Variants in RGS22 observed in about 807,000 individuals in gnomAD.
RGS22 encodes the protein regulator of G protein signaling 22, also known as regulator of G-protein signaling 22.
RGS22 carries 148 observed loss-of-function variants against 172.9 expected under a neutral mutation model. The ratio of observed to expected loss-of-function variants is 0.86; its 90% confidence interval spans 0.75 to 0.98. The LOEUF (loss-of-function observed/expected upper bound fraction) is 0.98. Ranked by LOEUF, RGS22 falls within the 50% of genes least tolerant of loss-of-function variation. The pLI is 0.00. For missense variants in RGS22, 1,347 were observed against 1,440.8 expected (o/e 0.93, Z 1.05); for synonymous variants, 458 against 480.2 (o/e 0.95, Z 0.60).
rs1810300232 is a variant in RGS22 at position 100,063,448 on chromosome 8, T to C, written c.1320A>G (p.Leu440=). The change falls in exon 8 of 28, where the codon TTA becomes TTG. Residue 440 remains leucine (L), a synonymous_variant. Coordinates refer to ENST00000360863, the MANE Select transcript of RGS22 (RefSeq NM_015668.5). ...GTCTTCCAGGATCCTTAAGAACTTT[T>C]AACCTCTCAATATCCATCCATAGCC... The part of the protein sequence containing the change: ...YWWLWMDIER[L]KVLKDPGRHQ... 3.7e-6 allele frequency: 6 copies of C among 1,603,864 alleles called. No individual in the cohort carries two copies. The highest frequency in any genetic ancestry group is 1.3e-5 in the African/African-American group (1 of 74,498).
At chr8:100,013,903 A>G (rs1319112437) in intron 14 of RGS22, among the ~76,000 whole-genome samples, 2 of 152,168 alleles carry the variant, frequency 1.3e-5, no homozygotes, top group Non-Finnish European at 2.9e-5. Flanking sequence ...TCAAGTTCCT[A>G]CTAAAAACAT....
At position 100,045,411 on chromosome 8, in the gene RGS22, C is replaced by T. The variant is rs184060032; in HGVS notation, c.1823+2052G>A. 1.9e-3 allele frequency among the ~76,000 whole-genome samples: 286 copies of T among 152,304 alleles called. 1 individual carries two copies. Among genetic ancestry groups the T allele is most frequent in the Non-Finnish European group, 2.5e-3 (169 of 68,036 alleles). ...CCAAATTAAAATCATCTGCCTCCTCCAGTCCTGCTTTTCCTCCTTCTGAGA... is the reference window on the plus strand; with the variant it reads ...CCAAATTAAAATCATCTGCCTCCTCTAGTCCTGCTTTTCCTCCTTCTGAGA... On this transcript the variant is annotated intron_variant, in intron 11 of 27. Coordinates refer to ENST00000360863, the MANE Select transcript of RGS22 (RefSeq NM_015668.5).
rs140957441 is a variant in RGS22 at position 100,078,198 on chromosome 8, C to T, written c.339+1936G>A. Among the ~76,000 whole-genome samples the T allele has an allele frequency of 8.8e-4, 133 of 151,990 alleles. 1 individual carries two copies. In the East Asian group the frequency reaches 0.023, roughly 26 times the overall value. On this transcript the variant is annotated intron_variant, in intron 4 of 27. Transcript: ENST00000360863. Reference sequence around the variant, plus strand: ...CTGACTCTGGCTTTTACTTGGGGTGCTTACGCCATTTAAATATCATGTAAT... The same window carrying T: ...CTGACTCTGGCTTTTACTTGGGGTGTTTACGCCATTTAAATATCATGTAAT...
At chr8:100,054,319 C>G (rs1464037003) in intron 9 of RGS22, 1 of 153,908 alleles carries the variant, frequency 6.5e-6, no homozygotes, top group Non-Finnish European at 1.5e-5. Flanking sequence ...AATGACTATG[C>G]ATGATGGCTC....
intron 3 of RGS22, among the ~76,000 whole-genome samples, chr8:100,082,007 C>A (rs1586237505): frequency 6.8e-6 from 1 of 147,896 alleles, no homozygotes; most frequent in African/African-American, 2.5e-5. Flanking sequence ...CTAGTTAGTT[C>A]AATGGATAAA....
At chr8:100,002,750 C>G (rs1205348926) in intron 17 of RGS22, among the ~76,000 whole-genome samples, 1 of 151,986 alleles carries the variant, frequency 6.6e-6, no homozygotes, top group Admixed American at 6.6e-5. Context: ...TGATGGGTAC[C>G]AAAAAATAGA....
intron 6 of RGS22, among the ~76,000 whole-genome samples, chr8:100,068,957 G>A (rs201596498): frequency 6.7e-6 from 1 of 148,348 alleles, no homozygotes; most frequent in Non-Finnish European, 1.5e-5. Context: ...AAAGAAAGAA[G>A]AAAAAATACT....
chr8:100,045,715 A>G (rs1300725359), intron 11 of RGS22, among the ~76,000 whole-genome samples: 1 of 150,500 alleles, frequency 6.6e-6, no homozygotes, highest in African/African-American at 2.4e-5. Context: ...TATAATATAT[A>G]TGATATATAA....
At chr8:100,017,808 C>A (rs1660390054) in intron 14 of RGS22, among the ~76,000 whole-genome samples, 1 of 152,028 alleles carries the variant, frequency 6.6e-6, no homozygotes, top group South Asian at 2.1e-4. Flanking sequence ...GTTTAAATAT[C>A]CAAATCATTT....
chr8:100,088,361 G>A (rs2131961865), intron 3 of RGS22, among the ~76,000 whole-genome samples: 1 of 151,908 alleles, frequency 6.6e-6, no homozygotes, highest in South Asian at 2.1e-4. Flanking sequence ...ACCCACAGAG[G>A]ACCAACCTAA....
chr8:99,991,910 C>T lies in RGS22; in HGVS notation c.3019-4291G>A, dbSNP rs899694755. ...AAAGGGAGGCCCATCAGACTAACAG[C>T]AGATCTCTTGGCAGAAACCCTACAA... On this transcript the variant is annotated intron_variant, in intron 20 of 27. Transcript: ENST00000360863. Among the ~76,000 whole-genome samples, 3 of 152,106 alleles carry T rather than the reference C, an allele frequency of 2.0e-5. No homozygotes were observed. In the East Asian group the frequency reaches 5.8e-4, roughly 29 times the overall value.
At chr8:100,007,196 T>C (rs1683372734) in intron 15 of RGS22, among the ~76,000 whole-genome samples, 1 of 152,216 alleles carries the variant, frequency 6.6e-6, no homozygotes, top group South Asian at 2.1e-4. Flanking sequence ...ATTAATTTTG[T>C]ATGACGATCT....
rs2131793459 is a variant in RGS22, at chr8:100,063,587, G to A, written c.1181C>T (p.Pro394Leu). The part of the protein sequence containing the change: ...SLSSKNESAG[P>L]ESRADWCISH... The stretch of plus-strand genomic sequence containing the variant: ...AATACACCAGTCCGCCCTGCTCTCT[G>A]GTCCAGCGCTCTCATTCTTTGAACT... The change falls in exon 8 of 28, where the codon CCA becomes CTA. Residue 394 changes from proline to leucine, a missense_variant. By Grantham distance (98) the Pro-to-Leu change is moderately conservative (BLOSUM62 -3). Coordinates refer to ENST00000360863, the MANE Select transcript of RGS22 (RefSeq NM_015668.5). 1 of 1,613,942 alleles carries A rather than the reference G, an allele frequency of 6.2e-7. No individual in the cohort carries two copies. The highest frequency in any genetic ancestry group is 2.2e-5 in the East Asian group (1 of 44,854).
intron 23 of RGS22, among the ~76,000 whole-genome samples, chr8:99,968,422 T>C (rs747880245): frequency 9.9e-5 from 15 of 152,068 alleles, no homozygotes; most frequent in Admixed American, 6.5e-4. Context: ...AGGTGGGTAA[T>C]AACAAACTCT....
intron 2 of RGS22, among the ~76,000 whole-genome samples, chr8:100,093,792 C>T (rs1812764104): frequency 1.3e-5 from 2 of 152,146 alleles, no homozygotes; most frequent in South Asian, 4.1e-4. Flanking sequence ...AAATATAGCA[C>T]AACACTTAAA....
intron 22 of RGS22, 59 bp from the exon 23 acceptor site, chr8:99,978,134 T>C (rs1317567857): frequency 7.1e-6 from 7 of 983,910 alleles, no homozygotes; most frequent in Non-Finnish European, 8.8e-6. Context: ...TTAAACTCTA[T>C]TCACCATAAT....
At chr8:100,068,423 T>C (rs1271859064) in intron 6 of RGS22, among the ~76,000 whole-genome samples, 3 of 152,114 alleles carry the variant, frequency 2.0e-5, no homozygotes, top group African/African-American at 7.2e-5. Flanking sequence ...AGTGTTAAAG[T>C]ATTACTCAAG....
At chr8:100,080,107 AC>A (rs1418442283) in intron 4 of RGS22, 26 bp downstream of exon 4, 2 of 1,453,300 alleles carry the variant, frequency 1.4e-6, no homozygotes, top group Non-Finnish European at 9.5e-7. Context: ...TATCTATCTA[AC>A]AAGATAAAAC....
chr8:100,085,771 C>G (rs1812112015), intron 3 of RGS22, among the ~76,000 whole-genome samples: 1 of 152,138 alleles, frequency 6.6e-6, no homozygotes, highest in Non-Finnish European at 1.5e-5. Flanking sequence ...CCATCTCACA[C>G]CCTCTACAGG....
Sources: gnomAD v4.1 joint callset for allele counts (sites outside exome capture counted in the v4.1 genomes callset) on GRCh38, gnomAD v4.1.1 for gene constraint, MANE v1.5 for transcripts, NCBI Gene and HGNC (gene_info 2026-07-23, HGNC 2026-07-21) for gene names.